NBEA: variants seen among roughly 807,000 people sequenced by gnomAD.
The protein encoded by NBEA is lysosomal-trafficking regulator 2.
In NBEA, 44 loss-of-function variants were observed where a neutral mutation model predicts 343.4. The observed-to-expected ratio is 0.13, with a 90% confidence interval of 0.10 to 0.16. The LOEUF (loss-of-function observed/expected upper bound fraction) is 0.16, where lower values mean the gene tolerates loss of function less well. NBEA is among the 10% of genes least tolerant of loss of function. NBEA has a pLI of 1.00. For missense variants in NBEA, 2,555 were observed against 3,631.3 expected, an observed-to-expected ratio of 0.70 and a Z score of 7.62; for synonymous variants, 1,175 against 1,238.7, an observed-to-expected ratio of 0.95 and a Z score of 1.08.
chr13:35,188,937 T>A (rs533931339), intron 30 of NBEA, among the ~76,000 whole-genome samples: 1 of 151,072 alleles, frequency 6.6e-6, no homozygotes, highest in South Asian at 2.1e-4. Flanking sequence ...TGTTTTTTTT[T>A]GAGATGGAGT....
chr13:35,144,676 G>A (rs777583872), intron 18 of NBEA, among the ~76,000 whole-genome samples: 4 of 152,074 alleles, frequency 2.6e-5, no homozygotes, highest in Non-Finnish European at 5.9e-5. Context: ...GGAGAAGGTC[G>A]GTCTTCTTTA....
In NBEA at chr13:34,942,979, G is replaced by A. The variant is rs374084525; in HGVS notation, c.159G>A (p.Ser53=). ...GELRGASGSG[S]VMLPAGMINP... ...TAAGGGGGGCGTCCGGCTCCGGCTCGGTGATGCTCCCCGCGGGGATGATTA... is the reference window on the plus strand; with the variant it reads ...TAAGGGGGGCGTCCGGCTCCGGCTCAGTGATGCTCCCCGCGGGGATGATTA... The change falls in exon 1 of 59, where the codon TCG becomes TCA. Residue 53 remains serine, a synonymous_variant. Transcript: ENST00000379939. 1.2e-6 allele frequency: 2 copies of A among 1,605,984 alleles called. No individual in the cohort carries two copies. Among genetic ancestry groups the A allele is most frequent in the African/African-American group, 2.7e-5 (2 of 73,990 alleles).
At chr13:35,112,755 A>G (rs1287735481) in intron 13 of NBEA, among the ~76,000 whole-genome samples, 2 of 152,122 alleles carry the variant, frequency 1.3e-5, no homozygotes, top group African/African-American at 4.8e-5. Context: ...CTCTCTTTTT[A>G]TGTATATATA....
At chr13:35,238,215 G>A (rs1230198436) in intron 34 of NBEA, among the ~76,000 whole-genome samples, 1 of 152,146 alleles carries the variant, frequency 6.6e-6, no homozygotes, top group Non-Finnish European at 1.5e-5. Context: ...ATGTTCTATT[G>A]GGAGCTCACA....
intron 47 of NBEA, among the ~76,000 whole-genome samples, chr13:35,601,119 G>C (rs2082024421): frequency 6.6e-6 from 1 of 151,554 alleles, no homozygotes; most frequent in Non-Finnish European, 1.5e-5. Context: ...AGAGGTTGTA[G>C]TGAGCCGAGA....
Position 35,352,258 on chromosome 13 carries a change from G to A in NBEA, c.6114G>A (p.Gln2038=), listed in dbSNP as rs993253301. 1 of 1,560,080 alleles carries A rather than the reference G, an allele frequency of 6.4e-7. No homozygotes were observed. Among genetic ancestry groups the A allele is most frequent in the Non-Finnish European group, 8.7e-7 (1 of 1,149,030 alleles). ...AKHRDHVTAN[Q]LKQKILNILT... is the part of the protein sequence containing the mutation. ...ATCGAGATCATGTAACAGCAAATCA[G>A]CTGAAACAGAAGATTCTCAATATTC... The change falls in exon 38 of 59, where the codon CAG becomes CAA. Residue 2038 remains glutamine (Q), a synonymous_variant. Coordinates refer to ENST00000379939, the MANE Select transcript of NBEA (RefSeq NM_001385012.1).
chr13:35,654,983 A>G lies in NBEA; in HGVS notation c.8164A>G (p.Ser2722Gly). The G allele has an allele frequency of 6.4e-7, 1 of 1,556,828 alleles. No individual in the cohort carries two copies. The highest frequency in any genetic ancestry group is 2.4e-5 in the East Asian group (1 of 41,222). The stretch of plus-strand genomic sequence containing the variant: ...TCTTATCTGTGGATTCTGGGATAAG[A>G]GCTTCAGAGTTTATTCTACAGAAAC... The part of the protein sequence containing the change: ...YILICGFWDK[S>G]FRVYSTETGK... The change falls in exon 54 of 59, where the codon AGC becomes GGC. Residue 2722 changes from serine (S) to glycine (G), a missense_variant. Transcript: ENST00000379939.
chr13:35,561,003 A>C (rs573196611), intron 44 of NBEA, among the ~76,000 whole-genome samples: 1 of 152,316 alleles, frequency 6.6e-6, no homozygotes, highest in South Asian at 2.1e-4. Context: ...TGCATTTCTA[A>C]GAACTCCCCA....
At chr13:35,171,556 A>G in intron 26 of NBEA, 104 bp downstream of exon 26, 1 of 932,380 alleles carries the variant, frequency 1.1e-6, no homozygotes, top group Non-Finnish European at 1.5e-6. Context: ...TGATGATTAT[A>G]TAATATGGAG....
chr13:35,489,345 C>T (rs1034149982), intron 41 of NBEA, among the ~76,000 whole-genome samples: 1 of 151,800 alleles, frequency 6.6e-6, no homozygotes, highest in Non-Finnish European at 1.5e-5. Flanking sequence ...TGAACTCTTT[C>T]TGTGCTTTGA....
intron 36 of NBEA, among the ~76,000 whole-genome samples, chr13:35,338,860 G>A (rs1010633999): frequency 6.6e-6 from 1 of 151,972 alleles, no homozygotes; most frequent in Non-Finnish European, 1.5e-5. Flanking sequence ...ATCAATCAAC[G>A]TAATACACCA....
At chr13:35,002,003 G>C (rs1007223465) in intron 1 of NBEA, among the ~76,000 whole-genome samples, 1 of 152,100 alleles carries the variant, frequency 6.6e-6, no homozygotes, top group Non-Finnish European at 1.5e-5. Flanking sequence ...TAAAACAATG[G>C]ATAGCAGCAA....
At chr13:35,002,888 G>A (rs2061190855) in intron 1 of NBEA, among the ~76,000 whole-genome samples, 1 of 152,122 alleles carries the variant, frequency 6.6e-6, no homozygotes, top group Admixed American at 6.6e-5. Context: ...CGAGAGGTCA[G>A]GTGAATATGG....
At chr13:35,464,945 A>G (rs2047090327) in intron 40 of NBEA, among the ~76,000 whole-genome samples, 1 of 152,142 alleles carries the variant, frequency 6.6e-6, no homozygotes, top group Non-Finnish European at 1.5e-5. Flanking sequence ...TGAATTAAAT[A>G]TGTCTCTACA....
At chr13:35,566,069 G>C (rs1266671708) in intron 44 of NBEA, among the ~76,000 whole-genome samples, 2 of 152,002 alleles carry the variant, frequency 1.3e-5, no homozygotes, top group African/African-American at 4.8e-5. Context: ...CATTATAATA[G>C]AATACCATCA....
intron 35 of NBEA, among the ~76,000 whole-genome samples, chr13:35,298,211 G>GTATA (rs72309538): frequency 1.2e-4 from 12 of 103,030 alleles, no homozygotes; most frequent in African/African-American, 5.2e-4. Flanking sequence ...GTGTGTGTGT[G>GTATA]TATATATATA....
intron 18 of NBEA, among the ~76,000 whole-genome samples, chr13:35,152,418 C>T (rs1221414327): frequency 6.6e-6 from 1 of 151,972 alleles, no homozygotes; most frequent in African/African-American, 2.4e-5. Flanking sequence ...ATTCTCTGAC[C>T]CAAATACAGT....
At chr13:35,303,820 C>G (rs7998570) in intron 35 of NBEA, among the ~76,000 whole-genome samples, 2,197 of 152,186 alleles carry the variant, frequency 0.014, 47 homozygotes, top group African/African-American at 0.05. Context: ...TCTGAGCATC[C>G]TGTCCATTGT....
chr13:35,236,577 G>C (rs1329663471), intron 34 of NBEA, among the ~76,000 whole-genome samples: 1 of 151,726 alleles, frequency 6.6e-6, no homozygotes, highest in Non-Finnish European at 1.5e-5. Flanking sequence ...CTCCCAAGTA[G>C]CTGGGACTGC....
Sources: allele counts gnomAD v4.1 joint callset (sites outside exome capture counted in the v4.1 genomes callset), GRCh38; gene constraint gnomAD v4.1.1; transcripts MANE v1.5; gene names NCBI Gene and HGNC (gene_info 2026-07-23, HGNC 2026-07-21).